Variants in CSMD3 observed in about 807,000 individuals in gnomAD.
The protein encoded by CSMD3 is CUB and sushi domain-containing protein 3.
In CSMD3, 177 loss-of-function variants were observed where a neutral mutation model predicts 435.2. The ratio of observed to expected loss-of-function variants is 0.41; its 90% CI spans 0.36 to 0.46. The LOEUF is 0.46. Among genes scored for constraint, CSMD3 ranks in the 20% least tolerant of loss-of-function variants. The probability of loss-of-function intolerance (pLI) is 0.34; values close to 1 mark genes in which losing one functional copy is unlikely to be tolerated. For synonymous variants in CSMD3, 1,656 were observed against 1,520.5 expected, an observed-to-expected ratio of 1.09 and a Z score of -2.07; for missense variants, 4,265 against 4,504.6, an observed-to-expected ratio of 0.95 and a Z score of 1.52.
intron 22 of CSMD3, among the ~76,000 whole-genome samples, chr8:112,597,440 A>C (rs1831842288): frequency 7.6e-6 from 1 of 132,312 alleles, no homozygotes; most frequent in Admixed American, 7.6e-5. Flanking sequence ...CCAGAGGTAC[A>C]AGGAGGAACT....
chr8:112,798,239 C>T (rs1014323712), intron 13 of CSMD3, among the ~76,000 whole-genome samples: 1 of 151,738 alleles, frequency 6.6e-6, no homozygotes, highest in African/African-American at 2.4e-5. Flanking sequence ...TGTGAAACAA[C>T]TTGCAGGGTT....
intron 17 of CSMD3, among the ~76,000 whole-genome samples, chr8:112,663,958 G>C (rs2075454422): frequency 6.6e-6 from 1 of 152,108 alleles, no homozygotes; most frequent in African/African-American, 2.4e-5. Context: ...GAAAATTGAA[G>C]GAGAGAGTAG....
At chr8:112,963,980 A>G (rs1314935259) in intron 7 of CSMD3, among the ~76,000 whole-genome samples, 1 of 151,946 alleles carries the variant, frequency 6.6e-6, no homozygotes, top group African/African-American at 2.4e-5. Flanking sequence ...GGATTTTTAT[A>G]TAACCAGAGT....
intron 22 of CSMD3, among the ~76,000 whole-genome samples, chr8:112,599,978 C>G (rs1224302820): frequency 1.3e-5 from 2 of 150,172 alleles, no homozygotes; most frequent in Admixed American, 6.6e-5. Context: ...ATGTAACTAA[C>G]CTGCACAATG....
In CSMD3 at chr8:112,645,291, ATCTCC is replaced by A. The variant is rs1431362143; in HGVS notation, c.3194-71_3194-67del. ...AGAGACAGAGGGTGAACAAATCTCT[ATCTCC>A]TCTCTTGAATTGAGCAGTCGCATTA... On this transcript the variant is annotated intron_variant, in intron 19 of 70. Coordinates refer to ENST00000297405, the MANE Select transcript of CSMD3 (RefSeq NM_198123.2). 7.9e-6 allele frequency: 7 copies of A among 881,944 alleles called. No homozygotes were observed. In the East Asian group the frequency reaches 1.7e-4, roughly 21 times the overall value. 54.6% of individuals were successfully genotyped at this position (881,944 alleles called of 1,614,324 possible).
intron 51 of CSMD3, 44 bp downstream of exon 51, chr8:112,305,963 T>C: frequency 6.6e-7 from 1 of 1,509,074 alleles, no homozygotes; most frequent in Non-Finnish European, 9.2e-7. Flanking sequence ...GTATATAAAA[T>C]ACCAAGAGAA....
chr8:112,389,525 C>T (rs1256883455), intron 36 of CSMD3, among the ~76,000 whole-genome samples: 2 of 152,118 alleles, frequency 1.3e-5, no homozygotes, highest in East Asian at 3.9e-4. Context: ...AATGTACATG[C>T]TTTTTGTTTT....
chr8:112,796,095 T>G (rs1237421649), intron 13 of CSMD3, among the ~76,000 whole-genome samples: 1 of 152,130 alleles, frequency 6.6e-6, no homozygotes, highest in African/African-American at 2.4e-5. Flanking sequence ...GCTCAGTAAT[T>G]TAACTCAGTC....
chr8:112,420,951 C>T (rs1000422022), intron 32 of CSMD3, among the ~76,000 whole-genome samples: 3 of 152,158 alleles, frequency 2.0e-5, no homozygotes, highest in African/African-American at 7.2e-5. Context: ...CACACTCTGC[C>T]ATGCCTTTTC....
rs566824442 is a variant in CSMD3, at chr8:113,316,213, C to A, written c.179-1420G>T. ...GATGTTATTATCTTTATCTGTGAGT[C>A]CTACAGGAAGCTGAAGTGCCAGAAG... On this transcript the variant is annotated intron_variant, in intron 1 of 70. Coordinates refer to ENST00000297405, the MANE Select transcript of CSMD3 (RefSeq NM_198123.2). Among the ~76,000 whole-genome samples the A allele has an allele frequency of 1.5e-3, 233 of 152,150 alleles. 11 individuals carry two copies. The South Asian group carries it at 0.047, about 31-fold the overall frequency.
chr8:112,982,439 T>C (rs2085088466), intron 6 of CSMD3, among the ~76,000 whole-genome samples: 1 of 151,904 alleles, frequency 6.6e-6, no homozygotes, highest in Non-Finnish European at 1.5e-5. Context: ...CCTGAATCTT[T>C]AGATCTTTTT....
intron 3 of CSMD3, among the ~76,000 whole-genome samples, chr8:113,208,316 T>C (rs985936659): frequency 6.6e-5 from 10 of 152,146 alleles, no homozygotes; most frequent in African/African-American, 2.4e-4. Flanking sequence ...GGGTTCAGGC[T>C]GGACCAGTTA....
intron 9 of CSMD3, among the ~76,000 whole-genome samples, chr8:112,928,068 T>C (rs2082970684): frequency 6.6e-6 from 1 of 152,162 alleles, no homozygotes; most frequent in Non-Finnish European, 1.5e-5. Context: ...AGATAAATTC[T>C]ATCACTAGGA....
At chr8:112,835,743 G>A (rs1319222514) in intron 11 of CSMD3, among the ~76,000 whole-genome samples, 33 of 151,910 alleles carry the variant, frequency 2.2e-4, no homozygotes, top group Admixed American at 1.8e-3. Context: ...AATATGTAGT[G>A]GCACTGAAAT....
At chr8:113,364,787 T>C (rs2094300648) in intron 1 of CSMD3, among the ~76,000 whole-genome samples, 1 of 152,046 alleles carries the variant, frequency 6.6e-6, no homozygotes, top group African/African-American at 2.4e-5. Context: ...AAAACTATAT[T>C]TCTTTAAAAA....
Position 112,613,323 on chromosome 8 carries a change from G to GA in CSMD3, c.3715+23493dup, listed in dbSNP as rs140880728. Reference sequence around the variant, plus strand: ...GTTTGCTTGCTTAAACTTCTTTGGAGAAAAAGTGCTCTATAAAGCATAAAT... The same window carrying GA: ...GTTTGCTTGCTTAAACTTCTTTGGAGAAAAAAGTGCTCTATAAAGCATAAAT... On this transcript the variant is annotated intron_variant, in intron 22 of 70. Transcript: ENST00000297405. Among the ~76,000 whole-genome samples, 1,122 of 152,126 alleles carry GA rather than the reference G, an allele frequency of 7.4e-3. 6 individuals carry two copies. Among genetic ancestry groups the GA allele is most frequent in the South Asian group, 0.011 (54 of 4,822 alleles).
At chr8:112,479,516 G>A (rs1028147022) in intron 31 of CSMD3, among the ~76,000 whole-genome samples, 1 of 152,132 alleles carries the variant, frequency 6.6e-6, no homozygotes, top group African/African-American at 2.4e-5. Flanking sequence ...CAGGCCCAGA[G>A]GCTTAGGAAA....
intron 13 of CSMD3, among the ~76,000 whole-genome samples, chr8:112,732,890 T>C (rs1365195567): frequency 2.6e-5 from 4 of 152,148 alleles, no homozygotes. Flanking sequence ...TAACCTAATA[T>C]GTGGTTAATC....
At chr8:112,591,814 C>A (rs1311033024) in intron 22 of CSMD3, among the ~76,000 whole-genome samples, 1 of 151,934 alleles carries the variant, frequency 6.6e-6, no homozygotes, top group African/African-American at 2.4e-5. Context: ...TTCTTTTCTG[C>A]ATGTGAATTC....
Sources: gnomAD v4.1 joint callset for allele counts (sites outside exome capture counted in the v4.1 genomes callset) on GRCh38, gnomAD v4.1.1 for gene constraint, MANE v1.5 for transcripts, NCBI Gene and HGNC (gene_info 2026-07-23, HGNC 2026-07-21) for gene names.